The following MED15 variants were observed in gnomAD, a reference collection of about 807,000 sequenced individuals.
MED15 encodes mediator of RNA polymerase II transcription subunit 15.
In MED15, 41 loss-of-function variants were observed where a neutral mutation model predicts 118.7. The observed-to-expected ratio is 0.35, with a 90% CI of 0.27 to 0.45. The LOEUF is 0.45. MED15 is among the 20% of genes least tolerant of loss of function. MED15 has a pLI of 1.00. For missense variants in MED15, 740 were observed against 1,025.5 expected (o/e 0.72, Z 3.80); for synonymous variants, 436 against 413.9 (o/e 1.05, Z -0.65).
intron 1 of MED15, among the ~76,000 whole-genome samples, chr22:20,532,164 G>A (rs948011781): frequency 1.3e-5 from 2 of 152,218 alleles, no homozygotes; most frequent in African/African-American, 2.4e-5. Flanking sequence ...ATGGGAACGG[G>A]AGACAGAGGC....
chr22:20,551,444 C>T lies in MED15; in HGVS notation c.165C>T (p.Tyr55=), dbSNP rs757801853. Residue 55 remains tyrosine, a synonymous_variant, in exon 3 of 18, where the codon TAC becomes TAT. Transcript: ENST00000263205. ...VFLKAKTRDE[Y]LSLVARLIIH... The stretch of plus-strand genomic sequence containing the variant: ...CCTGTTTTTACTTTTAGGACGAATA[C>T]CTTTCTCTCGTGGCCAGGCTCATTA... 6.2e-7 allele frequency: 1 copy of T among 1,614,078 alleles called. No homozygotes were observed. Among genetic ancestry groups the T allele is most frequent in the Non-Finnish European group, 8.5e-7 (1 of 1,179,910 alleles).
intron 5 of MED15, among the ~76,000 whole-genome samples, chr22:20,560,987 T>A (rs1284040189): frequency 6.6e-6 from 1 of 152,162 alleles, no homozygotes; most frequent in Non-Finnish European, 1.5e-5. Context: ...TTCTGTCGGG[T>A]ACATATAAAA....
chr22:20,510,335 G>A (rs1377895159), intron 1 of MED15, among the ~76,000 whole-genome samples: 3 of 152,108 alleles, frequency 2.0e-5, no homozygotes, highest in Admixed American at 1.3e-4. Context: ...GCAGTGAGCC[G>A]AGATCGCACC....
rs1180509193 is a variant in MED15, at chr22:20,575,212, G to A, written c.1252G>A (p.Gly418Ser). 1 of 1,613,982 alleles carries A rather than the reference G, an allele frequency of 6.2e-7. No individual in the cohort carries two copies. The highest frequency in any genetic ancestry group is 1.3e-5 in the African/African-American group (1 of 75,052). ...CATCCCGTCAAGCTCCATCCCTTTG[G>A]GCAGACAGCCCATGGCACAGGTATT... ...SAIPSSSIPL[G>S]RQPMAQVSQS... is the part of the protein sequence containing the mutation. The change falls in exon 9 of 18, where the codon GGC (glycine) becomes AGC (serine). Residue 418 changes from glycine to serine, a missense_variant. Coordinates refer to ENST00000263205, the MANE Select transcript of MED15 (RefSeq NM_001003891.3).
At chr22:20,582,504 T>G in intron 9 of MED15, 107 bp from the exon 10 acceptor site, 1 of 1,496,498 alleles carries the variant, frequency 6.7e-7, no homozygotes, top group Non-Finnish European at 9.0e-7. Context: ...CACAGGTGTG[T>G]GGTGAGGCTG....
At chr22:20,508,919 CCGTCA>C (rs1342800582) in intron 1 of MED15, among the ~76,000 whole-genome samples, 2 of 152,168 alleles carry the variant, frequency 1.3e-5, no homozygotes, top group African/African-American at 4.8e-5. Flanking sequence ...GGTAAAGGAA[CCGTCA>C]CAGCGCAGTC....
chr22:20,512,485 A>C (rs2092834226), intron 1 of MED15, among the ~76,000 whole-genome samples: 1 of 150,384 alleles, frequency 6.6e-6, no homozygotes, highest in Admixed American at 6.7e-5. Context: ...AGCCCTTTTT[A>C]GTTTCCCATA....
intron 17 of MED15, among the ~76,000 whole-genome samples, chr22:20,586,033 C>T (rs1194059574): frequency 6.6e-6 from 1 of 152,220 alleles, no homozygotes; most frequent in Non-Finnish European, 1.5e-5. Context: ...TCTGCTCCCA[C>T]TGTGTCCCTT....
At chr22:20,545,502 A>C (rs897487762) in intron 2 of MED15, among the ~76,000 whole-genome samples, 5 of 151,642 alleles carry the variant, frequency 3.3e-5, no homozygotes, top group African/African-American at 1.2e-4. Flanking sequence ...AAGAAACAAA[A>C]TGCTTTAAAA....
intron 7 of MED15, 66 bp downstream of exon 7, chr22:20,566,883 C>A: frequency 6.3e-7 from 1 of 1,578,900 alleles, no homozygotes; most frequent in Non-Finnish European, 8.6e-7. Context: ...AGTTTCTAGG[C>A]TCTTTGGCTA....
At chr22:20,512,046 T>C (rs1488262776) in intron 1 of MED15, among the ~76,000 whole-genome samples, 1 of 144,478 alleles carries the variant, frequency 6.9e-6, no homozygotes, top group Non-Finnish European at 1.5e-5. Context: ...TAGAGTGCAG[T>C]GGTACGATGA....
At chr22:20,575,364 G>A (rs1366919196) in intron 9 of MED15, 132 bp downstream of exon 9, 2 of 1,132,116 alleles carry the variant, frequency 1.8e-6, no homozygotes, top group Admixed American at 6.4e-5. Flanking sequence ...CAAACCCACA[G>A]TCCCTTTTTT....
chr22:20,584,015 T>G, intron 13 of MED15: 1 of 347,454 alleles, frequency 2.9e-6, no homozygotes, highest in Non-Finnish European at 5.4e-6. Context: ...CCAGTCACTA[T>G]TGGGTGGTCC....
chr22:20,510,591 C>T (rs979789360), intron 1 of MED15, among the ~76,000 whole-genome samples: 1 of 152,164 alleles, frequency 6.6e-6, no homozygotes, highest in Non-Finnish European at 1.5e-5. Context: ...GTTCCTTGAG[C>T]TTGTAGGACT....
intron 1 of MED15, among the ~76,000 whole-genome samples, chr22:20,513,504 C>G (rs1165761441): frequency 6.6e-6 from 1 of 152,126 alleles, no homozygotes; most frequent in Non-Finnish European, 1.5e-5. Flanking sequence ...GTCTTGAACT[C>G]CCAACCTCAT....
rs193053106 is a variant in MED15 at position 20,545,133 on chromosome 22, G to C, written c.157-6303G>C. On this transcript the variant is annotated intron_variant, in intron 2 of 17. Coordinates refer to ENST00000263205, the MANE Select transcript of MED15 (RefSeq NM_001003891.3). ...TGCCACAGACAGAAAGTTGATTATTGATTGCCAAGGGTGCTGTAGGGAAAT... is the reference window on the plus strand; with the variant it reads ...TGCCACAGACAGAAAGTTGATTATTCATTGCCAAGGGTGCTGTAGGGAAAT... Among the ~76,000 whole-genome samples, 7 of 152,232 alleles carry C rather than the reference G, an allele frequency of 4.6e-5. No homozygotes were observed. The East Asian group carries it at 1.2e-3, about 25-fold the overall frequency.
chr22:20,583,127 G>T lies in MED15; in HGVS notation c.1552G>T (p.Val518Phe). 6.2e-7 allele frequency: 1 copy of T among 1,600,624 alleles called. No homozygotes were observed. Among genetic ancestry groups the T allele is most frequent in the Non-Finnish European group, 8.5e-7 (1 of 1,173,444 alleles). Residue 518 changes from valine (V) to phenylalanine (F), a missense_variant, in exon 12 of 18, where the codon GTC (valine) becomes TTC (phenylalanine). Coordinates refer to ENST00000263205, the MANE Select transcript of MED15 (RefSeq NM_001003891.3). ...PLNTPVNPSSVMSPAGSSQAE... is the reference protein window; with the variant it reads ...PLNTPVNPSSFMSPAGSSQAE... ...GTGTCCTGCAGTGAACCCCAGCTCT[G>T]TCATGAGCCCAGCTGGCTCCAGCCA...
intron 2 of MED15, among the ~76,000 whole-genome samples, chr22:20,546,507 T>G (rs1027013948): frequency 1.3e-5 from 2 of 149,112 alleles, no homozygotes; most frequent in African/African-American, 2.5e-5. Flanking sequence ...ATGGAGTTTT[T>G]TTTGTTTTTT....
rs545867213 is a variant in MED15 at position 20,515,458 on chromosome 22, C to T, written c.68+7712C>T. Among the ~76,000 whole-genome samples, 29 of 37,862 alleles carry T rather than the reference C, an allele frequency of 7.7e-4. No individual in the cohort carries two copies. The South Asian group carries it at 8.2e-3, about 11-fold the overall frequency. The allele number at this position is 37,862 out of a possible 152,430, so 24.8% of individuals were successfully genotyped here. On this transcript the variant is annotated intron_variant, in intron 1 of 17. Coordinates refer to ENST00000263205, the MANE Select transcript of MED15 (RefSeq NM_001003891.3). Reference sequence around the variant, plus strand: ...ATACACTAACACTAATGATAGCTGACGAGCTAAAAAAAAAAAATTGCCAAA... The same window carrying T: ...ATACACTAACACTAATGATAGCTGATGAGCTAAAAAAAAAAAATTGCCAAA...
Sources: gnomAD v4.1 joint callset for allele counts (sites outside exome capture counted in the v4.1 genomes callset) on GRCh38, gnomAD v4.1.1 for gene constraint, MANE v1.5 for transcripts, NCBI Gene and HGNC (gene_info 2026-07-23, HGNC 2026-07-21) for gene names.